The following EXOSC7 variants were observed in gnomAD, a reference collection of about 807,000 sequenced individuals.
EXOSC7 encodes exosome component 7.
In EXOSC7, 25 loss-of-function variants were observed where a neutral mutation model predicts 34.3. That is an observed-to-expected ratio of 0.73 (90% confidence interval 0.53 to 1.02). The LOEUF is 1.02. Ranked by LOEUF, EXOSC7 falls within the 50% of genes least tolerant of loss-of-function variation. EXOSC7 has a pLI of 0.00. For synonymous variants in EXOSC7, 130 were observed against 143.0 expected (o/e 0.91, Z 0.65); for missense variants, 370 against 368.5 (o/e 1.00, Z -0.03).
At chr3:44,989,410 C>T in intron 2 of EXOSC7, 140 bp from the exon 3 acceptor site, 2 of 811,940 alleles carry the variant, frequency 2.5e-6, no homozygotes, top group Non-Finnish European at 2.0e-6. Flanking sequence ...AGACTGCTCA[C>T]CTCCTCCAAA....
intron 5 of EXOSC7, among the ~76,000 whole-genome samples, chr3:45,003,285 C>G (rs1226816190): frequency 6.6e-6 from 1 of 152,100 alleles, no homozygotes; most frequent in African/African-American, 2.4e-5. Flanking sequence ...CCCTTCTGCC[C>G]AGGCTTGTTG....
chr3:44,998,843 G>A (rs370264667), intron 4 of EXOSC7, among the ~76,000 whole-genome samples: 1 of 152,310 alleles, frequency 6.6e-6, no homozygotes. Flanking sequence ...CTGGGTTTGA[G>A]AAGGTGGGAC....
intron 1 of EXOSC7, among the ~76,000 whole-genome samples, chr3:44,987,869 G>C (rs376448609): frequency 6.6e-6 from 1 of 152,354 alleles, no homozygotes; most frequent in African/African-American, 2.4e-5. Flanking sequence ...AGAAACAGAG[G>C]AAGGTTAGAA....
intron 4 of EXOSC7, among the ~76,000 whole-genome samples, chr3:44,998,047 T>G (rs998322864): frequency 2.1e-4 from 32 of 151,066 alleles, no homozygotes; most frequent in South Asian, 4.2e-4. Flanking sequence ...TTGTTTTTTT[T>G]TTTTTTGAGA....
intron 6 of EXOSC7, 87 bp from the exon 7 acceptor site, chr3:45,007,333 G>A: frequency 1.4e-6 from 2 of 1,425,768 alleles, no homozygotes; most frequent in Non-Finnish European, 1.9e-6. Flanking sequence ...CTTTTGCCTG[G>A]TGTAGAGATT....
intron 1 of EXOSC7, chr3:44,977,488 A>T (rs893646733): frequency 6.6e-6 from 1 of 152,232 alleles, no homozygotes; most frequent in African/African-American, 2.4e-5. Context: ...TATATGAAGA[A>T]ATGCCAATAT....
chr3:44,992,644 C>G (rs1706604652), intron 3 of EXOSC7, among the ~76,000 whole-genome samples: 1 of 152,132 alleles, frequency 6.6e-6, no homozygotes, highest in African/African-American at 2.4e-5. Flanking sequence ...CTTTGGTTTG[C>G]TGGTTGTAGC....
chr3:44,985,843 G>A (rs2125963367), intron 1 of EXOSC7, among the ~76,000 whole-genome samples: 1 of 152,256 alleles, frequency 6.6e-6, no homozygotes, highest in Middle Eastern at 3.4e-3. Flanking sequence ...TAGACAGGGT[G>A]CTGATTGGTG....
rs1282841772 is a variant in EXOSC7 at position 45,011,220 on chromosome 3, G to A, written c.772-15G>A. The stretch of plus-strand genomic sequence containing the variant: ...TACAAGGGGGTGTGTGCTCTCTCCC[G>A]TCCCTTCTCCACAGACTGGCAAGCG... On this transcript the variant is annotated splice_polypyrimidine_tract_variant and intron_variant, in intron 7 of 7. Transcript: ENST00000265564. 8 of 1,567,004 alleles carry A rather than the reference G, an allele frequency of 5.1e-6. No homozygotes were observed. Among genetic ancestry groups the A allele is most frequent in the Non-Finnish European group, 5.2e-6 (6 of 1,143,240 alleles).
At chr3:45,002,782 C>T (rs1264541991) in intron 5 of EXOSC7, among the ~76,000 whole-genome samples, 1 of 152,160 alleles carries the variant, frequency 6.6e-6, no homozygotes, top group Non-Finnish European at 1.5e-5. Flanking sequence ...AGAATGAAAG[C>T]TGTAGAGTCC....
intron 1 of EXOSC7, among the ~76,000 whole-genome samples, chr3:44,982,563 G>T (rs577071123): frequency 6.6e-6 from 1 of 152,332 alleles, no homozygotes; most frequent in Admixed American, 6.5e-5. Flanking sequence ...CCAGCTGATG[G>T]CTTCCATTTC....
chr3:44,997,202 C>T lies in EXOSC7; in HGVS notation c.370C>T (p.Leu124Phe). The change falls in exon 4 of 8, where the codon CTC (leucine) becomes TTC (phenylalanine). Residue 124 changes from leucine (L) to phenylalanine (F), a missense_variant. Leu to Phe is a conservative substitution (Grantham distance 22). Around this residue, in one of 3 missense-constraint regions of EXOSC7, gnomAD observed 255 missense variants for 246.4 expected, o/e 1.03. Coordinates refer to ENST00000265564, the MANE Select transcript of EXOSC7 (RefSeq NM_015004.4). ...NNKSSVDLKT[L>F]CISPREHCWV... ...TAAAAGCAGTGTCGACTTAAAGACC[C>T]TCTGCATTAGTCCTCGGGAGCACTG... 1 of 1,613,988 alleles carries T rather than the reference C, an allele frequency of 6.2e-7. No individual in the cohort carries two copies. The highest frequency in any genetic ancestry group is 8.5e-7 in the Non-Finnish European group (1 of 1,179,994).
intron 7 of EXOSC7, among the ~76,000 whole-genome samples, chr3:45,010,029 G>A (rs1707161587): frequency 2.0e-5 from 3 of 152,196 alleles, no homozygotes; most frequent in African/African-American, 7.2e-5. Flanking sequence ...GGATACACCT[G>A]TAACTGAAGA....
intron 1 of EXOSC7, among the ~76,000 whole-genome samples, chr3:44,982,138 C>T (rs1239956896): frequency 6.6e-6 from 1 of 152,228 alleles, no homozygotes; most frequent in African/African-American, 2.4e-5. Flanking sequence ...CGTGTGGCCT[C>T]TCTGGGCTCC....
At chr3:44,992,077 G>A (rs375879409) in intron 3 of EXOSC7, among the ~76,000 whole-genome samples, 7 of 152,268 alleles carry the variant, frequency 4.6e-5, no homozygotes, top group African/African-American at 1.7e-4. Context: ...GCATAAACAA[G>A]TGTGTCCTTT....
rs1279349869 is a variant in EXOSC7 at position 44,989,537 on chromosome 3, C to T, written c.160-13C>T. The stretch of plus-strand genomic sequence containing the variant: ...ATACTCTGAGTGAGGACTCTTCTTG[C>T]ATGTGTCTGCAGGGTCACACAGACA... On this transcript the variant is annotated splice_polypyrimidine_tract_variant and intron_variant, in intron 2 of 7. Coordinates refer to ENST00000265564, the MANE Select transcript of EXOSC7 (RefSeq NM_015004.4). 1 of 1,604,400 alleles carries T rather than the reference C, an allele frequency of 6.2e-7. No homozygotes were observed. The highest frequency in any genetic ancestry group is 1.1e-5 in the South Asian group (1 of 90,834).
At chr3:44,988,724 G>T (rs1237124569) in intron 1 of EXOSC7, among the ~76,000 whole-genome samples, 1 of 152,196 alleles carries the variant, frequency 6.6e-6, no homozygotes, top group African/African-American at 2.4e-5. Context: ...GGCTTCAGTT[G>T]AGATGATTGT....
chr3:45,000,990 C>G (rs1472357217), intron 4 of EXOSC7, among the ~76,000 whole-genome samples: 1 of 152,180 alleles, frequency 6.6e-6, no homozygotes, highest in African/African-American at 2.4e-5. Flanking sequence ...ACAGCTATGA[C>G]AAGGCAGTGC....
intron 1 of EXOSC7, among the ~76,000 whole-genome samples, chr3:44,980,067 A>C (rs1706234681): frequency 6.6e-6 from 1 of 151,812 alleles, no homozygotes; most frequent in African/African-American, 2.4e-5. Flanking sequence ...TTTCAGTGAT[A>C]GCTGGAACTG....
Sources: allele counts gnomAD v4.1 joint callset (sites outside exome capture counted in the v4.1 genomes callset), GRCh38; gene constraint gnomAD v4.1.1; regional missense constraint gnomAD v4.1.1; transcripts MANE v1.5; gene names NCBI Gene and HGNC (gene_info 2026-07-23, HGNC 2026-07-21).